CLDN10: variants seen among roughly 807,000 people sequenced by gnomAD.
CLDN10 encodes claudin 10, also known as claudin-10.
CLDN10 carries 15 observed loss-of-function variants against 22.9 expected under a neutral mutation model. The observed-to-expected ratio is 0.65, with a 90% CI of 0.44 to 1.01. The LOEUF (loss-of-function observed/expected upper bound fraction) is 1.01, where lower values mean the gene tolerates loss of function less well. Among genes scored for constraint, CLDN10 ranks in the 50% least tolerant of loss-of-function variants. CLDN10 has a pLI of 0.00. For synonymous variants in CLDN10, 114 were observed against 111.4 expected (o/e 1.02, Z -0.15); for missense variants, 247 against 287.8 (o/e 0.86, Z 1.03).
chr13:95,494,630 A>AGGC (rs1428471623), intron 1 of CLDN10, among the ~76,000 whole-genome samples: 1 of 152,216 alleles, frequency 6.6e-6, no homozygotes, highest in African/African-American at 2.4e-5. Flanking sequence ...CTACTTGTAC[A>AGGC]ATTGATTGCT....
chr13:95,498,430 T>C (rs1461512774), intron 1 of CLDN10, among the ~76,000 whole-genome samples: 1 of 152,238 alleles, frequency 6.6e-6, no homozygotes, highest in Non-Finnish European at 1.5e-5. Flanking sequence ...GGGATTGCTC[T>C]GTTGCCCAGG....
chr13:95,518,240 G>T, intron 1 of CLDN10, among the ~76,000 whole-genome samples: 1 of 152,200 alleles, frequency 6.6e-6, no homozygotes, highest in East Asian at 1.9e-4. Flanking sequence ...GTGTTTAGTC[G>T]TTATTCTTTT....
chr13:95,446,267 T>C (rs1303337380), intron 1 of CLDN10, among the ~76,000 whole-genome samples: 1 of 152,190 alleles, frequency 6.6e-6, no homozygotes, highest in African/African-American at 2.4e-5. Flanking sequence ...TGAGGCAGTC[T>C]CTCAAGCAGT....
intron 1 of CLDN10, among the ~76,000 whole-genome samples, chr13:95,501,523 G>T (rs867224359): frequency 6.6e-6 from 1 of 152,146 alleles, no homozygotes; most frequent in Admixed American, 6.5e-5. Context: ...ATTATGAAAT[G>T]ACTCTAATCA....
intron 1 of CLDN10, among the ~76,000 whole-genome samples, chr13:95,471,361 T>C (rs1333387671): frequency 6.8e-6 from 1 of 147,314 alleles, no homozygotes; most frequent in Non-Finnish European, 1.5e-5. Flanking sequence ...GATATATATG[T>C]GTGTGTGTGT....
chr13:95,519,398 G>A (rs1359037134), intron 1 of CLDN10, among the ~76,000 whole-genome samples: 1 of 152,190 alleles, frequency 6.6e-6, no homozygotes, highest in Non-Finnish European at 1.5e-5. Flanking sequence ...CTTTAGGCAG[G>A]AACATACAAA....
chr13:95,524,480 A>C (rs1255863959), intron 1 of CLDN10, among the ~76,000 whole-genome samples: 1 of 152,212 alleles, frequency 6.6e-6, no homozygotes, highest in Admixed American at 6.5e-5. Context: ...ATGTTGTAGC[A>C]TGTAATTTCA....
At chr13:95,496,586 G>A (rs927786) in intron 1 of CLDN10, among the ~76,000 whole-genome samples, 51,941 of 152,074 alleles carry the variant, frequency 0.34, 9,973 homozygotes, top group Non-Finnish European at 0.41. Context: ...GTCAAGGGCC[G>A]GCAGATTGAG....
chr13:95,561,182 G>A (rs1461152541), intron 3 of CLDN10, among the ~76,000 whole-genome samples: 1 of 152,196 alleles, frequency 6.6e-6, no homozygotes, highest in Non-Finnish European at 1.5e-5. Flanking sequence ...ACCTAAGAAT[G>A]TATCTACATC....
At chr13:95,559,279 G>A (rs916267699) in intron 1 of CLDN10, among the ~76,000 whole-genome samples, 1 of 152,044 alleles carries the variant, frequency 6.6e-6, no homozygotes, top group Non-Finnish European at 1.5e-5. Context: ...TAAAAACCTG[G>A]ACAAAAGCCA....
chr13:95,488,849 T>G (rs2042835647), intron 1 of CLDN10, among the ~76,000 whole-genome samples: 1 of 152,188 alleles, frequency 6.6e-6, no homozygotes, highest in African/African-American at 2.4e-5. Context: ...AACATGCATA[T>G]GCAAGTATCT....
At position 95,573,437 on chromosome 13, in the gene CLDN10, G is replaced by C. The variant is rs1005323399; in HGVS notation, c.465-3794G>C. 4.6e-5 allele frequency among the ~76,000 whole-genome samples: 7 copies of C among 152,354 alleles called. No individual in the cohort carries two copies. The East Asian group carries it at 1.2e-3, about 25-fold the overall frequency. The stretch of plus-strand genomic sequence containing the variant: ...AAGAGGGCACACTCTGAGCAGGAAG[G>C]CTGGCCGAGGGCCAGGAGGATATTG... On this transcript the variant is annotated intron_variant, in intron 3 of 4. Coordinates refer to ENST00000299339, the MANE Select transcript of CLDN10 (RefSeq NM_006984.5).
intron 1 of CLDN10, among the ~76,000 whole-genome samples, chr13:95,456,042 A>T (rs1594530743): frequency 6.6e-6 from 1 of 152,382 alleles, no homozygotes; most frequent in East Asian, 1.9e-4. Context: ...GTTTGATAAT[A>T]AATACAGATG....
intron 1 of CLDN10, among the ~76,000 whole-genome samples, chr13:95,553,210 A>G (rs1211961045): frequency 6.6e-6 from 1 of 152,172 alleles, no homozygotes; most frequent in Admixed American, 6.5e-5. Flanking sequence ...GGGGACACGC[A>G]GACAGGCCCG....
At chr13:95,552,424 G>T (rs1036415509), upstream of CLDN10, among the ~76,000 whole-genome samples, 4 of 152,252 alleles carry the variant, frequency 2.6e-5, no homozygotes, top group Non-Finnish European at 4.4e-5. Context: ...CCGGTTGCCA[G>T]TCTGAACCTG....
intron 1 of CLDN10, among the ~76,000 whole-genome samples, chr13:95,542,935 A>G (rs1226535518): frequency 3.3e-5 from 5 of 152,202 alleles, no homozygotes; most frequent in Admixed American, 2.0e-4. Context: ...ATGGAGATGT[A>G]AAATCCACCC....
chr13:95,521,868 T>C (rs964160047), intron 1 of CLDN10, among the ~76,000 whole-genome samples: 2 of 152,100 alleles, frequency 1.3e-5, no homozygotes, highest in Non-Finnish European at 2.9e-5. Flanking sequence ...CATTTTTCTA[T>C]TTCTTCTTGT....
chr13:95,541,619 C>T lies in CLDN10; in HGVS notation c.215-18513C>T, dbSNP rs147921643. ...TACTTCCTCTATCACTAGATCTAGG[C>T]AGAGCTTTTGAGACTTGTTTTGACA... On this transcript the variant is annotated intron_variant, in intron 1 of 4. Coordinates refer to the CLDN10 transcript ENST00000376873. 3.3e-5 allele frequency among the ~76,000 whole-genome samples: 5 copies of T among 152,246 alleles called. No individual in the cohort carries two copies. The East Asian group carries it at 9.7e-4, about 29-fold the overall frequency.
chr13:95,464,468 A>G (rs1376302495), intron 1 of CLDN10, among the ~76,000 whole-genome samples: 1 of 152,158 alleles, frequency 6.6e-6, no homozygotes, highest in Non-Finnish European at 1.5e-5. Context: ...TCCATGGTGT[A>G]TATGTGCCAC....
Sources: gnomAD v4.1 joint callset for allele counts (sites outside exome capture counted in the v4.1 genomes callset) on GRCh38, gnomAD v4.1.1 for gene constraint, MANE v1.5 for transcripts, NCBI Gene and HGNC (gene_info 2026-07-23, HGNC 2026-07-21) for gene names.